GABPB2: variants seen among roughly 807,000 people sequenced by gnomAD.
The protein encoded by GABPB2 is GA binding protein transcription factor subunit beta 2, also known as GA-binding protein subunit beta-2.
GABPB2 carries 23 observed loss-of-function variants against 39.1 expected under a neutral mutation model. That is an observed-to-expected ratio of 0.59 (90% CI 0.42 to 0.83). The LOEUF is 0.83. Among genes scored for constraint, GABPB2 ranks in the 40% least tolerant of loss-of-function variants. The pLI is 0.00. For missense variants in GABPB2, 467 were observed against 541.1 expected (o/e 0.86, Z 1.36); for synonymous variants, 184 against 199.3 (o/e 0.92, Z 0.65).
In GABPB2 at chr1:151,107,026, G is replaced by T. The variant is rs765249045; in HGVS notation, c.737-11G>T. ...AAGCTGAAATTTTAAATTTGCTTTT[G>T]TCATCTCTAGCCAATACAGAGGAAA... On this transcript the variant is annotated splice_polypyrimidine_tract_variant and intron_variant, in intron 6 of 8. Coordinates refer to ENST00000368918, the MANE Select transcript of GABPB2 (RefSeq NM_144618.3). The T allele has an allele frequency of 1.3e-6, 2 of 1,547,150 alleles. No individual in the cohort carries two copies. Among genetic ancestry groups the T allele is most frequent in the Non-Finnish European group, 1.7e-6 (2 of 1,150,806 alleles).
At position 151,118,292 on chromosome 1, in the gene GABPB2, A is replaced by G. The variant is rs777571749; in HGVS notation, c.*36A>G. 2.6e-6 allele frequency: 4 copies of G among 1,553,616 alleles called. No homozygotes were observed. The highest frequency in any genetic ancestry group is 3.5e-6 in the Non-Finnish European group (4 of 1,145,584). On this transcript the variant is annotated 3_prime_UTR_variant, in exon 9 of 9. Transcript: ENST00000368918. ...CCACAATTTGCACTGTGTTCATATT[A>G]ATCCTCTTTTAAAAAAGGAAATATA...
chr1:151,079,460 G>C (rs587730569), intron 1 of GABPB2, among the ~76,000 whole-genome samples: 1 of 152,268 alleles, frequency 6.6e-6, no homozygotes, highest in African/African-American at 2.4e-5. Context: ...AGAATCGCTT[G>C]AATCCAGGAG....
chr1:151,100,417 A>G (rs1209074511), intron 5 of GABPB2, among the ~76,000 whole-genome samples: 1 of 151,616 alleles, frequency 6.6e-6, no homozygotes, highest in Non-Finnish European at 1.5e-5. Context: ...TGCTGGGATT[A>G]CAGGCGCCTG....
intron 1 of GABPB2, among the ~76,000 whole-genome samples, chr1:151,083,989 T>G (rs1014682620): frequency 6.6e-6 from 1 of 150,974 alleles, no homozygotes; most frequent in Non-Finnish European, 1.5e-5. Flanking sequence ...TCCAGCCCCC[T>G]CAGCCTCCCA....
chr1:151,083,612 T>A (rs1353715500), intron 1 of GABPB2, among the ~76,000 whole-genome samples: 1 of 151,268 alleles, frequency 6.6e-6, no homozygotes, highest in Non-Finnish European at 1.5e-5. Flanking sequence ...CCAGCCTGGG[T>A]GACAGGGCAA....
At chr1:151,105,148 C>T (rs1333681147) in intron 6 of GABPB2, among the ~76,000 whole-genome samples, 3 of 151,950 alleles carry the variant, frequency 2.0e-5, no homozygotes, top group East Asian at 1.9e-4. Context: ...CTCAGTGATC[C>T]GCCCACCTCG....
chr1:151,101,178 G>C (rs1358779233), intron 5 of GABPB2, among the ~76,000 whole-genome samples: 1 of 152,128 alleles, frequency 6.6e-6, no homozygotes, highest in African/African-American at 2.4e-5. Flanking sequence ...GCTTGGGCCT[G>C]GGAGGCAGAG....
chr1:151,094,741 T>C (rs1678981413), intron 4 of GABPB2, among the ~76,000 whole-genome samples: 1 of 146,684 alleles, frequency 6.8e-6, no homozygotes, highest in South Asian at 2.3e-4. Context: ...GCGTGGTGGC[T>C]CATGCCTGTA....
At chr1:151,082,075 T>C (rs1160427643) in intron 1 of GABPB2, among the ~76,000 whole-genome samples, 2 of 150,802 alleles carry the variant, frequency 1.3e-5, no homozygotes, top group Non-Finnish European at 2.9e-5. Flanking sequence ...AATTTCTTTT[T>C]CTTTTTTTTT....
chr1:151,072,656 G>C (rs1021531004), intron 1 of GABPB2, among the ~76,000 whole-genome samples: 2 of 152,042 alleles, frequency 1.3e-5, no homozygotes, highest in Admixed American at 6.6e-5. Context: ...CACCAGCCTG[G>C]CTAACATGGT....
chr1:151,095,899 C>T (rs144348575), intron 4 of GABPB2, among the ~76,000 whole-genome samples: 10 of 151,746 alleles, frequency 6.6e-5, no homozygotes, highest in African/African-American at 1.9e-4. Context: ...CTGACTTGGT[C>T]GTGGGTGCCT....
At chr1:151,072,634 T>G (rs1676824742) in intron 1 of GABPB2, among the ~76,000 whole-genome samples, 1 of 151,450 alleles carries the variant, frequency 6.6e-6, no homozygotes, top group Non-Finnish European at 1.5e-5. Flanking sequence ...TCACCTGAGG[T>G]CAGGAGTTCG....
chr1:151,103,595 A>G lies in GABPB2; in HGVS notation c.656A>G (p.Asn219Ser), dbSNP rs995418439. The G allele has an allele frequency of 6.2e-7, 1 of 1,613,950 alleles. No homozygotes were observed. The highest frequency in any genetic ancestry group is 8.5e-7 in the Non-Finnish European group (1 of 1,180,000). ...DPHASTVQFS[N>S]STTSVLATLA... ...CATGCCTCAACAGTACAGTTTTCAA[A>G]TTCTACCACCTCAGTGCTGGCTACC... Residue 219 changes from asparagine to serine, a missense_variant, in exon 6 of 9, where the codon AAT becomes AGT. Coordinates refer to ENST00000368918, the MANE Select transcript of GABPB2 (RefSeq NM_144618.3).
intron 8 of GABPB2, 25 bp from the exon 9 acceptor site, chr1:151,117,932 G>A (rs1681006639): frequency 6.3e-7 from 1 of 1,596,096 alleles, no homozygotes; most frequent in Admixed American, 1.7e-5. Context: ...AATTTACCTG[G>A]TGGTGACATG....
Position 151,124,560 on chromosome 1 carries a change from G to C in GABPB2, c.*6304G>C, listed in dbSNP as rs955827655. ...AGCTGGAAAATTTGATGCATTTACT[G>C]AACTCTTCCTGAAAGTTTAATATGG... On this transcript the variant is annotated 3_prime_UTR_variant, in exon 9 of 9. Coordinates refer to ENST00000368918, the MANE Select transcript of GABPB2 (RefSeq NM_144618.3). 6.7e-6 allele frequency: 1 copy of C among 150,068 alleles called. No individual in the cohort carries two copies. Among genetic ancestry groups the C allele is most frequent in the Non-Finnish European group, 1.5e-5 (1 of 67,738 alleles). The allele number at this position is 150,068 out of a possible 1,614,324, so 9.3% of individuals were successfully genotyped here. A position where few individuals can be genotyped will look rare whatever the true frequency, so the allele number is the denominator to read the frequency against.
chr1:151,089,893 A>C (rs1341694606), intron 2 of GABPB2, among the ~76,000 whole-genome samples: 2 of 151,306 alleles, frequency 1.3e-5, no homozygotes, highest in African/African-American at 4.9e-5. Flanking sequence ...CATTATACTT[A>C]GTACTTATTC....
At chr1:151,081,601 C>T (rs1677702513) in intron 1 of GABPB2, among the ~76,000 whole-genome samples, 1 of 151,982 alleles carries the variant, frequency 6.6e-6, no homozygotes, top group Non-Finnish European at 1.5e-5. Flanking sequence ...TCTTTAACTT[C>T]TGGCTTAATA....
At chr1:151,112,049 C>G (rs1351220676) in intron 7 of GABPB2, 2 of 147,056 alleles carry the variant, frequency 1.4e-5, no homozygotes, top group Admixed American at 6.8e-5. Flanking sequence ...ATGGTGAAAC[C>G]CTGACTCTAC....
rs756288440 is a variant in GABPB2, at chr1:151,117,381, T to C, written c.923-11T>C. 4 of 1,612,598 alleles carry C rather than the reference T, an allele frequency of 2.5e-6. No individual in the cohort carries two copies. Among genetic ancestry groups the C allele is most frequent in the Non-Finnish European group, 3.4e-6 (4 of 1,179,256 alleles). ...ATTCATCACCTCCAATTGGTGTCCT[T>C]TGACTTGTAGTTCTAACTGTACCTG... On this transcript the variant is annotated splice_polypyrimidine_tract_variant and intron_variant, in intron 7 of 8. Transcript: ENST00000368918.
Sources: allele counts gnomAD v4.1 joint callset (sites outside exome capture counted in the v4.1 genomes callset), GRCh38; gene constraint gnomAD v4.1.1; transcripts MANE v1.5; gene names NCBI Gene and HGNC (gene_info 2026-07-23, HGNC 2026-07-21).